The following COL22A1 variants were observed in gnomAD, a reference collection of about 807,000 sequenced individuals.
COL22A1 encodes collagen type XXII alpha 1 chain.
Under a neutral mutation model 248.9 loss-of-function variants are expected in COL22A1, and 221 were observed. That is an observed-to-expected ratio of 0.89 (90% confidence interval 0.80 to 0.99). COL22A1 has a LOEUF of 0.99. Ranked by LOEUF, COL22A1 falls within the 50% of genes least tolerant of loss-of-function variation. COL22A1 has a pLI of 0.00. For synonymous variants in COL22A1, 891 were observed against 793.4 expected, an observed-to-expected ratio of 1.12 and a Z score of -2.07; for missense variants, 2,240 against 2,179.0, an observed-to-expected ratio of 1.03 and a Z score of -0.56.
At chr8:138,785,743 C>A (rs921778359) in intron 12 of COL22A1, among the ~76,000 whole-genome samples, 12 of 152,132 alleles carry the variant, frequency 7.9e-5, no homozygotes, top group Admixed American at 7.9e-4. Flanking sequence ...AAATAGATGC[C>A]CAGTAGATGT....
Position 138,909,292 on chromosome 8 carries a change from C to T in COL22A1, c.-73+4327G>A, listed in dbSNP as rs1815262636. ...GAGCAGACCTCCAGAACTTATTCAT[C>T]TTGCATAAGTGAAGTTTTATACTCA... On this transcript the variant is annotated intron_variant, in intron 1 of 64. Coordinates refer to ENST00000303045, the MANE Select transcript of COL22A1 (RefSeq NM_152888.3). Among the ~76,000 whole-genome samples the T allele has an allele frequency of 2.0e-5, 3 of 152,066 alleles. No homozygotes were observed. The South Asian group carries it at 6.2e-4, about 31-fold the overall frequency.
chr8:138,861,272 C>T (rs762188940), intron 3 of COL22A1, among the ~76,000 whole-genome samples: 7 of 152,210 alleles, frequency 4.6e-5, no homozygotes, highest in Non-Finnish European at 8.8e-5. Flanking sequence ...CTTCCGGGCT[C>T]ACATGAAGCT....
chr8:138,611,284 C>T (rs1818840576), intron 56 of COL22A1, among the ~76,000 whole-genome samples: 1 of 152,214 alleles, frequency 6.6e-6, no homozygotes, highest in Admixed American at 6.5e-5. Context: ...TTCTTACAGC[C>T]TCCTTGTTCC....
intron 31 of COL22A1, among the ~76,000 whole-genome samples, chr8:138,700,611 T>C (rs542401161): frequency 1.3e-5 from 2 of 152,300 alleles, no homozygotes; most frequent in South Asian, 2.1e-4. Flanking sequence ...AAATCCCTGC[T>C]TGACAGAGCC....
At chr8:138,630,573 G>T in intron 50 of COL22A1, 122 bp downstream of exon 50, 1 of 830,716 alleles carries the variant, frequency 1.2e-6, no homozygotes, top group South Asian at 1.4e-5. Flanking sequence ...GTAGTGAACA[G>T]AACCTCAAAA....
Position 138,616,069 on chromosome 8 carries a change from G to A in COL22A1, c.3871-15C>T. ...CCAGACTCTCCCTAGGAACAAAAAA[G>A]CCTGCTATTAGGGAAGGAGATGCTT... On this transcript the variant is annotated splice_polypyrimidine_tract_variant and intron_variant, in intron 54 of 64. Coordinates refer to ENST00000303045, the MANE Select transcript of COL22A1 (RefSeq NM_152888.3). 1 of 1,608,470 alleles carries A rather than the reference G, an allele frequency of 6.2e-7. No individual in the cohort carries two copies. The highest frequency in any genetic ancestry group is 1.1e-5 in the South Asian group (1 of 90,964).
At chr8:138,658,866 A>ATCTTCTC (rs138800901) in intron 44 of COL22A1, among the ~76,000 whole-genome samples, 3,912 of 150,906 alleles carry the variant, frequency 0.026, 86 homozygotes, top group African/African-American at 0.054. Context: ...AATCTAACAG[A>ATCTTCTC]TCTTCTCTCT....
chr8:138,882,793 TC>T (rs949920613), intron 2 of COL22A1, among the ~76,000 whole-genome samples: 46 of 146,774 alleles, frequency 3.1e-4, no homozygotes, highest in African/African-American at 1.1e-3. Flanking sequence ...CCACACACAG[TC>T]CCCCACATTC....
intron 41 of COL22A1, among the ~76,000 whole-genome samples, chr8:138,668,395 TACAC>T (rs754150343): frequency 1.3e-5 from 2 of 151,502 alleles, no homozygotes; most frequent in Admixed American, 6.6e-5. Flanking sequence ...AATTTATATA[TACAC>T]ACACACACAC....
Position 138,878,093 on chromosome 8 carries a change from G to A in COL22A1, c.315C>T (p.Ala105=). Residue 105 remains alanine (A), a synonymous_variant, in exon 3 of 65, where the codon GCC becomes GCT. Transcript: ENST00000303045. ...FGSQEEVKAA[A]RRLAYHGGNT... ...TGCCCCCGTGGTAGGCGAGACGCCG[G>A]GCAGCCGCCTTGACCTCCTCCTGCG... The A allele has an allele frequency of 6.3e-6, 10 of 1,599,686 alleles. No individual in the cohort carries two copies. Among genetic ancestry groups the A allele is most frequent in the Non-Finnish European group, 8.5e-6 (10 of 1,174,216 alleles).
chr8:138,614,893 C>T (rs1324285748), intron 55 of COL22A1, among the ~76,000 whole-genome samples: 1 of 152,200 alleles, frequency 6.6e-6, no homozygotes, highest in Non-Finnish European at 1.5e-5. Context: ...ACAGGGGCCA[C>T]GTGCTCCGGT....
chr8:138,780,949 C>A lies in COL22A1; in HGVS notation c.1628G>T (p.Arg543Ile). 6.2e-7 allele frequency: 1 copy of A among 1,612,398 alleles called. No individual in the cohort carries two copies. Among genetic ancestry groups the A allele is most frequent in the East Asian group, 2.2e-5 (1 of 44,860 alleles). Residue 543 changes from arginine (R) to isoleucine (I), a missense_variant, in exon 13 of 65, where the codon AGA (arginine) becomes ATA (isoleucine). Arg to Ile is a moderately conservative substitution (Grantham distance 97). Coordinates refer to ENST00000303045, the MANE Select transcript of COL22A1 (RefSeq NM_152888.3). ...GSLGLPGPPG[R>I]DGSKGMRGEP... ...TACTCTCATGCCTTTGCTGCCGTCT[C>A]TCCCAGGGGGGCCGGGCAGGCCCAG...
At chr8:138,646,515 T>G in intron 47 of COL22A1, 114 bp downstream of exon 47, 13 of 736,758 alleles carry the variant, frequency 1.8e-5, no homozygotes, top group South Asian at 6.1e-5. Context: ...AGAACAGGGG[T>G]TTTCTGATTT....
At chr8:138,616,633 G>A (rs919264098) in intron 54 of COL22A1, among the ~76,000 whole-genome samples, 1 of 152,134 alleles carries the variant, frequency 6.6e-6, no homozygotes. Context: ...ACCTCACAAG[G>A]CTCAGGGCTG....
intron 16 of COL22A1, among the ~76,000 whole-genome samples, chr8:138,772,173 G>A (rs1218869550): frequency 6.6e-6 from 1 of 152,184 alleles, no homozygotes; most frequent in South Asian, 2.1e-4. Flanking sequence ...CGCTGAGTTC[G>A]ATCTTGGTTC....
chr8:138,667,211 G>A (rs111912295), intron 41 of COL22A1, among the ~76,000 whole-genome samples: 12 of 152,264 alleles, frequency 7.9e-5, no homozygotes, highest in South Asian at 2.1e-4. Context: ...CCTCTGATGC[G>A]TTTGTTCAAG....
At chr8:138,623,637 G>T in intron 52 of COL22A1, 95 bp downstream of exon 52, 1 of 1,055,616 alleles carries the variant, frequency 9.5e-7, no homozygotes, top group Non-Finnish European at 1.4e-6. Flanking sequence ...GCCTATCTTC[G>T]AGACTGGTTC....
intron 35 of COL22A1, among the ~76,000 whole-genome samples, chr8:138,691,839 T>A (rs1826967872): frequency 7.4e-6 from 1 of 135,432 alleles, no homozygotes; most frequent in Non-Finnish European, 1.6e-5. Flanking sequence ...TGTGTGTATG[T>A]GGAGGTGTGT....
chr8:138,795,767 G>A (rs1264400300), intron 12 of COL22A1, among the ~76,000 whole-genome samples: 1 of 152,170 alleles, frequency 6.6e-6, no homozygotes, highest in East Asian at 1.9e-4. Context: ...ACATGGATAT[G>A]TACTTGTGCA....
Sources: allele counts gnomAD v4.1 joint callset (sites outside exome capture counted in the v4.1 genomes callset), GRCh38; gene constraint gnomAD v4.1.1; transcripts MANE v1.5; gene names NCBI Gene and HGNC (gene_info 2026-07-23, HGNC 2026-07-21).